The following RASGEF1C variants were observed in gnomAD, a reference collection of about 807,000 sequenced individuals.
The protein encoded by RASGEF1C is ras-GEF domain-containing family member 1C.
Under a neutral mutation model 58.1 loss-of-function variants are expected in RASGEF1C, and 27 were observed. The observed-to-expected ratio is 0.46, with a 90% confidence interval of 0.34 to 0.64. The LOEUF is 0.64. RASGEF1C is among the 30% of genes least tolerant of loss of function. The pLI, the probability that RASGEF1C is intolerant of heterozygous loss-of-function variation, is 0.01. For missense variants in RASGEF1C, 502 were observed against 605.1 expected, an observed-to-expected ratio of 0.83 and a Z score of 1.79; for synonymous variants, 243 against 246.3, an observed-to-expected ratio of 0.99 and a Z score of 0.13.
At chr5:180,104,923 G>A (rs1765849880) in intron 12 of RASGEF1C, among the ~76,000 whole-genome samples, 1 of 152,110 alleles carries the variant, frequency 6.6e-6, no homozygotes, top group South Asian at 2.1e-4. Context: ...GTGATATCCT[G>A]TTTTACTCCT....
rs1766620971 is a variant in RASGEF1C at position 180,143,746 on chromosome 5, G to T, written c.-6-5688C>A. Among the ~76,000 whole-genome samples the T allele has an allele frequency of 6.6e-6, 1 of 152,234 alleles. No individual in the cohort carries two copies. The highest frequency in any genetic ancestry group is 2.4e-5 in the African/African-American group (1 of 41,458). On this transcript the variant is annotated intron_variant, in intron 1 of 13. Transcript: ENST00000361132. The surrounding 1 kb of genome is among the most constrained non-coding windows in gnomAD (Gnocchi z 4.3). ...TAAAGCACAGTTAGAAATGACATCT[G>T]TAGTGCCAAGGTGGTCAGTTTACAG...
rs142619399 is a variant in RASGEF1C, at chr5:180,143,328, A to G, written c.-6-5270T>C. ...TCTGGGACAGCATGGCCCCAGCCCA[A>G]CCCCTCTATGGGAGACGGGAAATGT... On this transcript the variant is annotated intron_variant, in intron 1 of 13. Transcript: ENST00000361132. The surrounding 1 kb of genome is among the most constrained non-coding windows in gnomAD (Gnocchi z 4.3). Among the ~76,000 whole-genome samples, 3 of 152,084 alleles carry G rather than the reference A, an allele frequency of 2.0e-5. No homozygotes were observed. The highest frequency in any genetic ancestry group is 4.4e-5 in the Non-Finnish European group (3 of 68,008).
intron 1 of RASGEF1C, among the ~76,000 whole-genome samples, chr5:180,206,929 A>G (rs1020120795): frequency 6.6e-6 from 1 of 152,240 alleles, no homozygotes; most frequent in African/African-American, 2.4e-5. Flanking sequence ...ATGGCTCCCA[A>G]TGGTGTGGGA....
chr5:180,160,225 C>A (rs1766918352), intron 1 of RASGEF1C, among the ~76,000 whole-genome samples: 2 of 152,178 alleles, frequency 1.3e-5, no homozygotes, highest in African/African-American at 4.8e-5. Context: ...TACAAGAAGC[C>A]ATTTGGCTCT....
At chr5:180,108,636 G>T (rs918052505) in intron 12 of RASGEF1C, among the ~76,000 whole-genome samples, 1 of 152,028 alleles carries the variant, frequency 6.6e-6, no homozygotes, top group African/African-American at 2.4e-5. Context: ...CTCAGTTATT[G>T]TATTTTTCAG....
chr5:180,111,092 G>C (rs529690019), intron 12 of RASGEF1C, among the ~76,000 whole-genome samples: 1 of 152,282 alleles, frequency 6.6e-6, no homozygotes, highest in Non-Finnish European at 1.5e-5. Context: ...GGGATTATAG[G>C]CGTGAGTCAC....
chr5:180,175,455 G>C (rs768410786), intron 1 of RASGEF1C, among the ~76,000 whole-genome samples: 17 of 152,190 alleles, frequency 1.1e-4, no homozygotes, highest in Non-Finnish European at 2.1e-4. Flanking sequence ...GGGCACACCT[G>C]CCATGTGCAG....
intron 1 of RASGEF1C, among the ~76,000 whole-genome samples, chr5:180,166,935 C>T (rs909136048): frequency 6.6e-6 from 1 of 152,190 alleles, no homozygotes; most frequent in Non-Finnish European, 1.5e-5. Flanking sequence ...GTCATTTGAA[C>T]CATTCTTCCC....
At chr5:180,183,258 G>A (rs1247889465) in intron 1 of RASGEF1C, among the ~76,000 whole-genome samples, 1 of 152,156 alleles carries the variant, frequency 6.6e-6, no homozygotes, top group East Asian at 1.9e-4. Flanking sequence ...TGAGACCCAA[G>A]CCCCACACTT....
chr5:180,149,510 T>C (rs1473478314), intron 1 of RASGEF1C, among the ~76,000 whole-genome samples: 1 of 152,114 alleles, frequency 6.6e-6, no homozygotes, highest in Non-Finnish European at 1.5e-5. Context: ...TGAAGTGTGG[T>C]GGCACAATCT....
intron 12 of RASGEF1C, 52 bp downstream of exon 12, chr5:180,111,405 T>C (rs1017235708): frequency 6.2e-6 from 10 of 1,612,612 alleles, no homozygotes; most frequent in Non-Finnish European, 8.5e-6. Flanking sequence ...ACTGAGAGGC[T>C]ACCCCAGAGT....
At chr5:180,127,796 G>T in intron 5 of RASGEF1C, 113 bp from the exon 6 acceptor site, 1 of 933,170 alleles carries the variant, frequency 1.1e-6, no homozygotes, top group Non-Finnish European at 1.6e-6. Flanking sequence ...CAGTCACTCT[G>T]CAACTGCCCT....
chr5:180,181,433 G>T (rs1163729910), intron 1 of RASGEF1C, among the ~76,000 whole-genome samples: 1 of 152,144 alleles, frequency 6.6e-6, no homozygotes, highest in African/African-American at 2.4e-5. Context: ...TTGGAAATAG[G>T]GTCACTGCAA....
At chr5:180,124,945 A>C (rs980644779) in intron 6 of RASGEF1C, among the ~76,000 whole-genome samples, 4 of 152,124 alleles carry the variant, frequency 2.6e-5, no homozygotes, top group African/African-American at 9.7e-5. Flanking sequence ...CAGTCTGGGC[A>C]AACATGGAGA....
intron 1 of RASGEF1C, among the ~76,000 whole-genome samples, chr5:180,144,939 T>C (rs927092775): frequency 6.6e-6 from 1 of 152,182 alleles, no homozygotes; most frequent in African/African-American, 2.4e-5. Context: ...TTCATTCATC[T>C]TTGTCAAGGT....
At position 180,197,522 on chromosome 5, in the gene RASGEF1C, A is replaced by T. The variant is rs2127563760; in HGVS notation, c.-7+11506T>A. 6.6e-6 allele frequency among the ~76,000 whole-genome samples: 1 copy of T among 152,286 alleles called. No homozygotes were observed. The highest frequency in any genetic ancestry group is 1.9e-4 in the East Asian group (1 of 5,180). On this transcript the variant is annotated intron_variant, in intron 1 of 13. Transcript: ENST00000361132. The surrounding 1 kb of genome is among the most constrained non-coding windows in gnomAD (Gnocchi z 4.7). ...CAGAGAGAGGCCCACAAAGACAGAGAGTGAGAGCAGTCCACGCTCAAAAAT... is the reference window on the plus strand; with the variant it reads ...CAGAGAGAGGCCCACAAAGACAGAGTGTGAGAGCAGTCCACGCTCAAAAAT...
Position 180,158,994 on chromosome 5 carries a change from T to C in RASGEF1C, c.-6-20936A>G, listed in dbSNP as rs1251608860. On this transcript the variant is annotated intron_variant, in intron 1 of 13. Transcript: ENST00000361132. This position sits in a 1 kb window ranked among gnomAD's most constrained non-coding sequence, Gnocchi z 4.0. ...AAGCATTTCAATTTTATCTTCTAAA[T>C]CTTTTATTTCTGCTGATGTATTATT... 1.3e-5 allele frequency among the ~76,000 whole-genome samples: 2 copies of C among 152,140 alleles called. No homozygotes were observed. The highest frequency in any genetic ancestry group is 1.3e-4 in the Admixed American group (2 of 15,280).
chr5:180,111,857 A>G (rs1765964638), intron 11 of RASGEF1C, among the ~76,000 whole-genome samples: 1 of 152,250 alleles, frequency 6.6e-6, no homozygotes, highest in Admixed American at 6.5e-5. Flanking sequence ...TTATGCAAAT[A>G]TATTTAAATA....
In RASGEF1C at chr5:180,102,140, A is replaced by G. The variant is rs763993645; in HGVS notation, c.1307T>C (p.Leu436Pro). The G allele has an allele frequency of 5.8e-6, 9 of 1,551,972 alleles. No individual in the cohort carries two copies. The highest frequency in any genetic ancestry group is 8.0e-6 in the Non-Finnish European group (9 of 1,123,892). The change falls in exon 13 of 14, where the codon CTT becomes CCT. Residue 436 changes from leucine (L) to proline (P), a missense_variant. By Grantham distance (98) the Leu-to-Pro change is moderately conservative. Coordinates refer to ENST00000361132, the MANE Select transcript of RASGEF1C (RefSeq NM_175062.4). Reference sequence around the variant, plus strand: ...CTCACTTTCGTAAGAAGCCAAATAAAGACCTAGACAGAAAATGAAGTGAAA... The same window carrying G: ...CTCACTTTCGTAAGAAGCCAAATAAGGACCTAGACAGAAAATGAAGTGAAA... Reference protein sequence around the residue: ...YTAPIFSEDGLYLASYESESP... With the variant: ...YTAPIFSEDGPYLASYESESP...
Sources: allele counts gnomAD v4.1 joint callset (sites outside exome capture counted in the v4.1 genomes callset), GRCh38; gene constraint gnomAD v4.1.1; non-coding constraint Gnocchi (gnomAD v3.1); transcripts MANE v1.5; gene names NCBI Gene and HGNC (gene_info 2026-07-23, HGNC 2026-07-21).